The following PSD3 variants were observed in gnomAD, a reference collection of about 807,000 sequenced individuals.
The protein encoded by PSD3 is PH and SEC7 domain-containing protein 3.
PSD3 carries 49 observed loss-of-function variants against 105.5 expected under a neutral mutation model. The observed-to-expected ratio is 0.46, with a 90% CI of 0.37 to 0.59. The LOEUF is 0.59. PSD3 is among the 20% of genes least tolerant of loss of function. The pLI is 0.00. For missense variants in PSD3, 1,561 were observed against 1,263.8 expected, an observed-to-expected ratio of 1.24 and a Z score of -3.57; for synonymous variants, 557 against 457.8, an observed-to-expected ratio of 1.22 and a Z score of -2.77.
chr8:19,055,767 C>G (rs192552798), intron 1 of PSD3, among the ~76,000 whole-genome samples: 1 of 152,232 alleles, frequency 6.6e-6, no homozygotes, highest in African/African-American at 2.4e-5. Context: ...ACACCTCCTG[C>G]TGTGACCTGT....
chr8:18,918,180 T>A (rs1441695322), intron 2 of PSD3, among the ~76,000 whole-genome samples: 1 of 152,214 alleles, frequency 6.6e-6, no homozygotes, highest in African/African-American at 2.4e-5. Flanking sequence ...TCTAGTTCAT[T>A]GCTCCCTCTT....
Position 18,765,482 on chromosome 8 carries a change from A to AT in PSD3, c.2138dup (p.Asn713LysfsTer2). On this transcript the variant is annotated frameshift_variant, in exon 9 of 16. Coordinates refer to ENST00000327040, the MANE Select transcript of PSD3 (RefSeq NM_015310.4). LOFTEE classifies it high-confidence loss of function. ...GATCCTTGGAGAAATCAACACCCTCATTTACCCCTTGCAGATTTGCAATGA... is the reference window on the plus strand; with the variant it reads ...GATCCTTGGAGAAATCAACACCCTCATTTTACCCCTTGCAGATTTGCAATGA... 6.2e-7 allele frequency: 1 copy of AT among 1,613,184 alleles called. No individual in the cohort carries two copies. Among genetic ancestry groups the AT allele is most frequent in the Non-Finnish European group, 8.5e-7 (1 of 1,179,136 alleles).
intron 4 of PSD3, among the ~76,000 whole-genome samples, chr8:18,825,751 C>G (rs1416689569): frequency 6.6e-6 from 1 of 152,224 alleles, no homozygotes; most frequent in African/African-American, 2.4e-5. Flanking sequence ...CCTCCACACG[C>G]AACTCATTGC....
chr8:18,879,786 C>T (rs908716197), intron 2 of PSD3, among the ~76,000 whole-genome samples: 2 of 152,116 alleles, frequency 1.3e-5, no homozygotes, highest in Non-Finnish European at 2.9e-5. Flanking sequence ...TTTGTAGAGA[C>T]GGGGTTTCCC....
intron 1 of PSD3, among the ~76,000 whole-genome samples, chr8:18,942,337 C>T (rs1265626737): frequency 1.3e-5 from 2 of 152,176 alleles, no homozygotes; most frequent in Admixed American, 6.5e-5. Flanking sequence ...GCACTTGATC[C>T]TGCTCAATCC....
At chr8:19,006,345 T>C (rs60074764) in intron 1 of PSD3, among the ~76,000 whole-genome samples, 18,435 of 150,854 alleles carry the variant, frequency 0.12, 1,541 homozygotes, top group African/African-American at 0.22. Context: ...TGCATGCATG[T>C]ACACACTCAC....
In PSD3 at chr8:19,040,132, C is replaced by G. The variant is rs542257072; in HGVS notation, c.324+44074G>C. On this transcript the variant is annotated intron_variant, in intron 1 of 1. Transcript: ENST00000521475. ...ATGGGTTGTGAAACAGGAACGATCT[C>G]AAGATTCCTCTCAAGAGCCAGGACC... Among the ~76,000 whole-genome samples the G allele has an allele frequency of 3.3e-5, 5 of 152,328 alleles. No homozygotes were observed. The South Asian group carries it at 1.0e-3, about 32-fold the overall frequency.
At chr8:19,014,115 A>C (rs913906803), upstream of PSD3, 1 of 152,288 alleles carries the variant, frequency 6.6e-6, no homozygotes, top group African/African-American at 2.4e-5. This position sits in a 1 kb window ranked among gnomAD's most constrained non-coding sequence, Gnocchi z 4.9. Context: ...GAAAAGTGAG[A>C]GGTGCTTTCC....
chr8:18,815,994 C>G (rs1028102283), intron 4 of PSD3, among the ~76,000 whole-genome samples: 4 of 152,142 alleles, frequency 2.6e-5, no homozygotes, highest in African/African-American at 9.7e-5. Context: ...GAGTAAGACC[C>G]TCCCCTTAGG....
At chr8:18,859,940 A>C (rs1018763981) in intron 4 of PSD3, among the ~76,000 whole-genome samples, 2 of 152,208 alleles carry the variant, frequency 1.3e-5, no homozygotes, top group African/African-American at 4.8e-5. Context: ...AGAACTTTTC[A>C]TTGCATTCAC....
chr8:19,005,904 G>A (rs955534149), intron 1 of PSD3, among the ~76,000 whole-genome samples: 1 of 151,868 alleles, frequency 6.6e-6, no homozygotes, highest in Non-Finnish European at 1.5e-5. Flanking sequence ...GAATCGTATA[G>A]TATGTGAATA....
At chr8:18,728,031 T>C (rs1803461184) in intron 9 of PSD3, among the ~76,000 whole-genome samples, 1 of 151,998 alleles carries the variant, frequency 6.6e-6, no homozygotes, top group African/African-American at 2.4e-5. Context: ...CTTAAATATT[T>C]GCTGAATGAA....
intron 1 of PSD3, among the ~76,000 whole-genome samples, chr8:19,054,805 C>G (rs80248908): frequency 2.0e-5 from 3 of 152,126 alleles, no homozygotes; most frequent in Non-Finnish European, 4.4e-5. Flanking sequence ...TCCTGATAGA[C>G]CTGAAATTCT....
intron 4 of PSD3, among the ~76,000 whole-genome samples, chr8:18,827,792 A>T (rs6586766): frequency 0.27 from 40,209 of 151,206 alleles, 5,681 homozygotes; most frequent in African/African-American, 0.28. Context: ...CCAATTATAT[A>T]TGAGAGATGA....
At chr8:19,049,690 CAAAAAAAA>C (rs10584051) in intron 1 of PSD3, among the ~76,000 whole-genome samples, 1,289 of 64,390 alleles carry the variant, frequency 0.02, 29 homozygotes, top group African/African-American at 0.061. Context: ...GACCCTGTCT[CAAAAAAAA>C]AAAAAAAAAA....
intron 4 of PSD3, among the ~76,000 whole-genome samples, chr8:18,851,021 C>T (rs1815522494): frequency 6.6e-6 from 1 of 152,190 alleles, no homozygotes; most frequent in Admixed American, 6.5e-5. Flanking sequence ...GACACCAGAA[C>T]ACCAGACAGC....
intron 2 of PSD3, among the ~76,000 whole-genome samples, chr8:18,884,946 G>A (rs1038321849): frequency 7.2e-5 from 11 of 152,196 alleles, no homozygotes; most frequent in Admixed American, 1.3e-4. Context: ...ATTTTAAACC[G>A]TAGTCTCTGC....
At chr8:19,006,048 A>C (rs935875075) in intron 1 of PSD3, among the ~76,000 whole-genome samples, 4 of 151,736 alleles carry the variant, frequency 2.6e-5, no homozygotes, top group Non-Finnish European at 5.9e-5. Flanking sequence ...GGCTCCCAGC[A>C]CTCTGGGAGG....
At chr8:19,010,661 C>T (rs1332866633) in intron 1 of PSD3, among the ~76,000 whole-genome samples, 4 of 152,088 alleles carry the variant, frequency 2.6e-5, no homozygotes, top group African/African-American at 9.7e-5. Context: ...AATAATGCCA[C>T]CACTTAAATT....
Sources: allele counts gnomAD v4.1 joint callset (sites outside exome capture counted in the v4.1 genomes callset), GRCh38; gene constraint gnomAD v4.1.1; non-coding constraint Gnocchi (gnomAD v3.1); transcripts MANE v1.5; gene names NCBI Gene and HGNC (gene_info 2026-07-23, HGNC 2026-07-21).